Variants in SGCZ observed in about 807,000 individuals in gnomAD.
SGCZ encodes sarcoglycan zeta.
In SGCZ, 40 loss-of-function variants were observed where a neutral mutation model predicts 41.3. The ratio of observed to expected loss-of-function variants is 0.97; its 90% CI spans 0.75 to 1.26. The LOEUF is 1.26. SGCZ is among the 50% of genes most tolerant of loss of function. The pLI is 0.00. For synonymous variants in SGCZ, 206 were observed against 137.5 expected, an observed-to-expected ratio of 1.50 and a Z score of -3.49; for missense variants, 552 against 369.8, an observed-to-expected ratio of 1.49 and a Z score of -4.04.
chr8:14,621,893 T>C (rs1420660003), intron 1 of SGCZ, among the ~76,000 whole-genome samples: 1 of 152,118 alleles, frequency 6.6e-6, no homozygotes, highest in Non-Finnish European at 1.5e-5. Flanking sequence ...TCCTCTGTCA[T>C]ACACTTATAT....
intron 1 of SGCZ, among the ~76,000 whole-genome samples, chr8:14,798,610 A>G (rs1463812740): frequency 6.6e-6 from 1 of 152,204 alleles, no homozygotes; most frequent in Non-Finnish European, 1.5e-5. Context: ...TAACTTGATA[A>G]AGTAATCCCA....
At chr8:14,784,579 C>T (rs901788157) in intron 1 of SGCZ, among the ~76,000 whole-genome samples, 1 of 151,788 alleles carries the variant, frequency 6.6e-6, no homozygotes, top group Non-Finnish European at 1.5e-5. Flanking sequence ...TATGAAACTC[C>T]TTAGACAAGG....
intron 1 of SGCZ, among the ~76,000 whole-genome samples, chr8:14,781,828 T>C (rs1344480686): frequency 1.3e-5 from 2 of 152,158 alleles, no homozygotes; most frequent in African/African-American, 4.8e-5. Flanking sequence ...GGCAAAATCA[T>C]TGAACAAAAG....
In SGCZ at chr8:15,031,902, C is replaced by CCTCTCTCTCTCTCT. The variant is rs751690018; in HGVS notation, c.39+205669_39+205682dup. On this transcript the variant is annotated intron_variant, in intron 1 of 7. Transcript: ENST00000382080. ...CTCTATATTCTATACCCTCTATATT[C>CCTCTCTCTCTCTCT]CTCTCTCTCTCTCTCTCTCTCTCTC... Among the ~76,000 whole-genome samples, 910 of 130,754 alleles carry CCTCTCTCTCTCTCT rather than the reference C, an allele frequency of 7.0e-3. 6 individuals carry two copies. Among genetic ancestry groups the CCTCTCTCTCTCTCT allele is most frequent in the East Asian group, 0.012 (50 of 4,266 alleles). 85.8% of individuals were successfully genotyped at this position (130,754 alleles called of 152,430 possible).
intron 1 of SGCZ, among the ~76,000 whole-genome samples, chr8:15,170,751 C>A (rs1016909127): frequency 2.6e-5 from 4 of 152,108 alleles, no homozygotes; most frequent in Admixed American, 6.6e-5. Context: ...TATAGTCTTA[C>A]AAGGGATCCA....
intron 2 of SGCZ, among the ~76,000 whole-genome samples, chr8:14,491,229 C>A (rs1382044494): frequency 6.6e-6 from 1 of 152,154 alleles, no homozygotes; most frequent in South Asian, 2.1e-4. Flanking sequence ...AATGGCGATA[C>A]ACCGAACAGA....
intron 4 of SGCZ, among the ~76,000 whole-genome samples, chr8:14,187,865 A>C (rs1804956138): frequency 6.6e-6 from 1 of 152,152 alleles, no homozygotes; most frequent in African/African-American, 2.4e-5. Flanking sequence ...AGATAAACAC[A>C]AAGAGACCCA....
chr8:14,546,111 G>A lies in SGCZ; in HGVS notation c.234+8621C>T, dbSNP rs370326264. Among the ~76,000 whole-genome samples, 281 of 152,264 alleles carry A rather than the reference G, an allele frequency of 1.8e-3. 1 individual carries two copies. Among genetic ancestry groups the A allele is most frequent in the African/African-American group, 6.5e-3 (271 of 41,568 alleles). ...CTGCATACGGAAGGGTATAATGGAAGCAGTCTTGCAACATTAACGATATCA... is the reference window on the plus strand; with the variant it reads ...CTGCATACGGAAGGGTATAATGGAAACAGTCTTGCAACATTAACGATATCA... On this transcript the variant is annotated intron_variant, in intron 2 of 7. Transcript: ENST00000382080.
chr8:15,069,790 A>T (rs1038749404), intron 1 of SGCZ, among the ~76,000 whole-genome samples: 1 of 152,192 alleles, frequency 6.6e-6, no homozygotes, highest in Non-Finnish European at 1.5e-5. Context: ...ACAAAATGCA[A>T]TACATTACTT....
chr8:14,940,534 T>A (rs1348292354), intron 1 of SGCZ, among the ~76,000 whole-genome samples: 2 of 152,162 alleles, frequency 1.3e-5, no homozygotes, highest in South Asian at 2.1e-4. Context: ...AAATTTGCAA[T>A]TCCAAGTCAA....
At chr8:14,518,515 G>C (rs1416433066) in intron 2 of SGCZ, among the ~76,000 whole-genome samples, 1 of 151,982 alleles carries the variant, frequency 6.6e-6, no homozygotes, top group Non-Finnish European at 1.5e-5. Flanking sequence ...TGCAGAATTT[G>C]GGAAAATCAG....
At chr8:15,077,483 AGT>A (rs1304918811) in intron 1 of SGCZ, among the ~76,000 whole-genome samples, 1 of 152,236 alleles carries the variant, frequency 6.6e-6, no homozygotes, top group Non-Finnish European at 1.5e-5. Context: ...TGTAAAATTT[AGT>A]GTGTGTTCCA....
intron 2 of SGCZ, among the ~76,000 whole-genome samples, chr8:14,403,327 T>C (rs1326190756): frequency 6.6e-5 from 10 of 150,686 alleles, no homozygotes; most frequent in Non-Finnish European, 1.2e-4. Flanking sequence ...CAACACTATC[T>C]TGAATAGGAG....
chr8:14,961,719 A>G (rs1237271030), intron 1 of SGCZ, among the ~76,000 whole-genome samples: 1 of 152,138 alleles, frequency 6.6e-6, no homozygotes, highest in African/African-American at 2.4e-5. Context: ...GAACTACTGT[A>G]CAAATGACTT....
At chr8:14,808,145 T>C (rs1020680700) in intron 1 of SGCZ, among the ~76,000 whole-genome samples, 5 of 152,020 alleles carry the variant, frequency 3.3e-5, no homozygotes, top group Non-Finnish European at 5.9e-5. Context: ...ATAACCTAGG[T>C]AATACCATTC....
At chr8:14,840,705 G>C (rs1802872371) in intron 1 of SGCZ, among the ~76,000 whole-genome samples, 1 of 151,942 alleles carries the variant, frequency 6.6e-6, no homozygotes, top group South Asian at 2.1e-4. Context: ...ATCTTGTCAG[G>C]AGCTATATTT....
At chr8:15,211,009 C>A (rs141205813) in intron 1 of SGCZ, among the ~76,000 whole-genome samples, 1,941 of 142,942 alleles carry the variant, frequency 0.014, 24 homozygotes, top group African/African-American at 0.03. Context: ...GCTTCTCTCT[C>A]TCTATATATA....
intron 4 of SGCZ, among the ~76,000 whole-genome samples, chr8:14,197,857 A>T (rs1166980606): frequency 6.6e-6 from 1 of 152,046 alleles, no homozygotes; most frequent in Non-Finnish European, 1.5e-5. Flanking sequence ...TCTGGAAAAA[A>T]CTTAAACAAT....
intron 2 of SGCZ, among the ~76,000 whole-genome samples, chr8:14,497,591 T>TGA (rs749464553): frequency 9.2e-4 from 139 of 151,768 alleles, no homozygotes; most frequent in Non-Finnish European, 1.7e-3. Flanking sequence ...TGTGTGTGTG[T>TGA]GTGAGAGAGA....
Sources: gnomAD v4.1 joint callset for allele counts (sites outside exome capture counted in the v4.1 genomes callset) on GRCh38, gnomAD v4.1.1 for gene constraint, MANE v1.5 for transcripts, NCBI Gene and HGNC (gene_info 2026-07-23, HGNC 2026-07-21) for gene names.